The following PTPRM variants were observed in gnomAD, a reference collection of about 807,000 sequenced individuals.
PTPRM encodes receptor-type tyrosine-protein phosphatase mu.
A neutral mutation model predicts 186.7 loss-of-function variants in PTPRM; 47 were observed. The observed-to-expected ratio is 0.25, with a 90% CI of 0.20 to 0.32. The LOEUF (loss-of-function observed/expected upper bound fraction) is 0.32, where lower values mean the gene tolerates loss of function less well. PTPRM is among the 10% of genes least tolerant of loss of function. PTPRM has a pLI of 1.00. For missense variants in PTPRM, 1,494 were observed against 1,865.0 expected, an observed-to-expected ratio of 0.80 and a Z score of 3.66; for synonymous variants, 668 against 674.9, an observed-to-expected ratio of 0.99 and a Z score of 0.16.
intron 7 of PTPRM, among the ~76,000 whole-genome samples, chr18:8,052,395 G>T (rs1158380952): frequency 5.3e-5 from 8 of 152,194 alleles, no homozygotes; most frequent in Non-Finnish European, 1.0e-4. Context: ...TGTTTTCACT[G>T]TACCGTTTCT....
rs533997109 is a variant in PTPRM, at chr18:8,358,583, C to T, written c.3055-12307C>T. On this transcript the variant is annotated intron_variant, in intron 23 of 32. Transcript: ENST00000580170. ...GGTATGCGTGCAGCTAGTGACTGTG[C>T]AGGCATCAGGTGACCTCTCCGCCTA... Among the ~76,000 whole-genome samples the T allele has an allele frequency of 6.6e-5, 10 of 152,278 alleles. No homozygotes were observed. The South Asian group carries it at 1.9e-3, about 28-fold the overall frequency.
Position 7,774,285 on chromosome 18 carries a change from T to G in PTPRM, c.196+14T>G. 1 of 1,613,292 alleles carries G rather than the reference T, an allele frequency of 6.2e-7. No individual in the cohort carries two copies. The highest frequency in any genetic ancestry group is 8.5e-7 in the Non-Finnish European group (1 of 1,179,612). On this transcript the variant is annotated intron_variant, in intron 2 of 32. Transcript: ENST00000580170. Reference sequence around the variant, plus strand: ...GGATGCCATCAGGTTTGCTTTTAGTTTTAAGTTTTGTTTTAAAGAGGAACA... The same window carrying G: ...GGATGCCATCAGGTTTGCTTTTAGTGTTAAGTTTTGTTTTAAAGAGGAACA...
chr18:7,681,682 A>G (rs958755390), intron 1 of PTPRM, among the ~76,000 whole-genome samples: 3 of 152,160 alleles, frequency 2.0e-5, no homozygotes, highest in African/African-American at 4.8e-5. Flanking sequence ...ATAGATAGCT[A>G]TAGTCACTGC....
intron 22 of PTPRM, among the ~76,000 whole-genome samples, chr18:8,320,872 G>A (rs1389813133): frequency 6.6e-6 from 1 of 152,212 alleles, no homozygotes; most frequent in Non-Finnish European, 1.5e-5. Flanking sequence ...AAAGTTGTCT[G>A]TAGAGTTTCC....
chr18:7,694,976 G>A (rs916091632), intron 1 of PTPRM, among the ~76,000 whole-genome samples: 6 of 152,084 alleles, frequency 3.9e-5, no homozygotes, highest in South Asian at 4.1e-4. Flanking sequence ...TTTCCTAAGC[G>A]CTTTTCCATT....
At chr18:8,148,440 G>T (rs1349174594) in intron 14 of PTPRM, among the ~76,000 whole-genome samples, 1 of 152,108 alleles carries the variant, frequency 6.6e-6, no homozygotes, top group Non-Finnish European at 1.5e-5. Context: ...TTGCATAGAG[G>T]TGTTTATAGT....
intron 1 of PTPRM, among the ~76,000 whole-genome samples, chr18:7,718,786 C>T (rs1457414147): frequency 6.6e-6 from 1 of 152,024 alleles, no homozygotes; most frequent in Non-Finnish European, 1.5e-5. Context: ...GATATACAAA[C>T]AACGAACAAA....
At chr18:8,341,551 G>A (rs1419238348) in intron 22 of PTPRM, among the ~76,000 whole-genome samples, 1 of 152,192 alleles carries the variant, frequency 6.6e-6, no homozygotes, top group Non-Finnish European at 1.5e-5. Context: ...CAAGGGAAGT[G>A]GCTTTGCTCT....
intron 22 of PTPRM, among the ~76,000 whole-genome samples, chr18:8,335,558 C>G (rs2095434450): frequency 6.6e-6 from 1 of 152,130 alleles, no homozygotes; most frequent in African/African-American, 2.4e-5. Flanking sequence ...CTTTCTAAGA[C>G]AAAATGAGGA....
intron 14 of PTPRM, among the ~76,000 whole-genome samples, chr18:8,199,889 G>A (rs1036552716): frequency 2.6e-5 from 4 of 151,954 alleles, no homozygotes; most frequent in Non-Finnish European, 5.9e-5. Context: ...AGATTACAAT[G>A]AATAGAAATT....
intron 1 of PTPRM, among the ~76,000 whole-genome samples, chr18:7,663,150 GCCCTCTCCCCAGAAC>G (rs2039016626): frequency 6.6e-6 from 1 of 152,164 alleles, no homozygotes; most frequent in Non-Finnish European, 1.5e-5. Context: ...CTAACTTGGT[GCCCTCTCCCCAGAAC>G]CCCCAGGCCA....
At position 7,919,975 on chromosome 18, in the gene PTPRM, CT is replaced by C. The variant is rs2050768381; in HGVS notation, c.548-6592del. On this transcript the variant is annotated intron_variant, in intron 4 of 32. Transcript: ENST00000580170. ...GTTTTTACAGTCTTTGATTTGCACCCTATTTTATCTGAAATAAACATAGATA... is the reference window on the plus strand; with the variant it reads ...GTTTTTACAGTCTTTGATTTGCACCCATTTTATCTGAAATAAACATAGATA... 2.6e-5 allele frequency among the ~76,000 whole-genome samples: 4 copies of C among 152,166 alleles called. 1 individual carries two copies. In the South Asian group the frequency reaches 8.3e-4, roughly 32 times the overall value.
chr18:7,711,371 C>T (rs28851925), intron 1 of PTPRM, among the ~76,000 whole-genome samples: 3,352 of 152,280 alleles, frequency 0.022, 120 homozygotes, highest in African/African-American at 0.076. Context: ...CCTACACCAC[C>T]AGAGCCCTGG....
At chr18:7,984,602 T>TATACACAC (rs1214502563) in intron 7 of PTPRM, among the ~76,000 whole-genome samples, 9 of 87,170 alleles carry the variant, frequency 1.0e-4, no homozygotes, top group African/African-American at 3.9e-4. Context: ...TATATATATA[T>TATACACAC]ACACACACAC....
At chr18:8,047,120 T>A (rs1383414442) in intron 7 of PTPRM, among the ~76,000 whole-genome samples, 1 of 152,200 alleles carries the variant, frequency 6.6e-6, no homozygotes, top group African/African-American at 2.4e-5. Flanking sequence ...AATTAATAGC[T>A]GTAGATCCTC....
intron 2 of PTPRM, among the ~76,000 whole-genome samples, chr18:7,798,257 A>T (rs967600622): frequency 6.6e-6 from 1 of 152,156 alleles, no homozygotes; most frequent in Non-Finnish European, 1.5e-5. Context: ...TGGGCCGGGC[A>T]TGGTGGCTCA....
chr18:8,088,667 C>G, intron 10 of PTPRM, 82 bp from the exon 11 acceptor site: 1 of 1,150,642 alleles, frequency 8.7e-7, no homozygotes, highest in Non-Finnish European at 1.3e-6. Context: ...GTTCTTAATG[C>G]TCTTTGTAAA....
intron 1 of PTPRM, among the ~76,000 whole-genome samples, chr18:7,572,201 AT>A (rs1435194349): frequency 3.9e-5 from 6 of 152,094 alleles, no homozygotes; most frequent in African/African-American, 1.4e-4. Flanking sequence ...TCAAAGGGTT[AT>A]TTTTACAGAT....
chr18:8,069,778 C>T lies in PTPRM; in HGVS notation c.1225C>T (p.Arg409Cys), dbSNP rs1254917602. 3 of 1,613,570 alleles carry T rather than the reference C, an allele frequency of 1.9e-6. No individual in the cohort carries two copies. Among genetic ancestry groups the T allele is most frequent in the East Asian group, 2.2e-5 (1 of 44,872 alleles). ...RWEPFGYNVT[R>C]CHSYNLTVHY... ...GGAGCCATTTGGATATAATGTAACT[C>T]GTTGCCACAGTTATAATCTCACTGT... The change falls in exon 8 of 33, where the codon CGT (arginine) becomes TGT (cysteine). Residue 409 changes from arginine to cysteine, a missense_variant. By Grantham distance (180) the Arg-to-Cys change is radical. Coordinates refer to ENST00000580170, the MANE Select transcript of PTPRM (RefSeq NM_001105244.2).
Sources: allele counts gnomAD v4.1 joint callset (sites outside exome capture counted in the v4.1 genomes callset), GRCh38; gene constraint gnomAD v4.1.1; transcripts MANE v1.5; gene names NCBI Gene and HGNC (gene_info 2026-07-23, HGNC 2026-07-21).